Variants in NCK1 observed in about 807,000 individuals in gnomAD.
The protein encoded by NCK1 is NCK adaptor protein 1.
Under a neutral mutation model 36.6 loss-of-function variants are expected in NCK1, and 19 were observed. That is an observed-to-expected ratio of 0.52 (90% confidence interval 0.36 to 0.76). The LOEUF (loss-of-function observed/expected upper bound fraction) is 0.76, where lower values mean the gene tolerates loss of function less well. Among genes scored for constraint, NCK1 ranks in the 30% least tolerant of loss-of-function variants. The pLI is 0.00. For synonymous variants in NCK1, 165 were observed against 156.0 expected (o/e 1.06, Z -0.43); for missense variants, 358 against 445.6 (o/e 0.80, Z 1.77).
chr3:136,908,837 A>G (rs757407166), intron 1 of NCK1, among the ~76,000 whole-genome samples: 12 of 151,796 alleles, frequency 7.9e-5, no homozygotes, highest in Non-Finnish European at 1.6e-4. Flanking sequence ...ATTCAGTGGG[A>G]TATATACAGT....
chr3:136,930,637 G>T, intron 2 of NCK1: 1 of 1,376,876 alleles, frequency 7.3e-7, no homozygotes, highest in Admixed American at 2.8e-5. Context: ...TCTTGAAGTT[G>T]TGAATTAGAT....
At position 136,951,170 on chromosome 3, in the gene NCK1, A is replaced by ATT. The variant is rs1940961898; in HGVS notation, c.*2718_*2719dup. 6.6e-6 allele frequency among the ~76,000 whole-genome samples: 1 copy of ATT among 152,206 alleles called. No homozygotes were observed. The highest frequency in any genetic ancestry group is 1.9e-4 in the East Asian group (1 of 5,194). Reference sequence around the variant, plus strand: ...CATTCTTGCAGAATATGGCACTTAAATTATCTCCAGCTGTAATGTCCTACC... The same window carrying ATT: ...CATTCTTGCAGAATATGGCACTTAAATTTTATCTCCAGCTGTAATGTCCTACC... On this transcript the variant is annotated 3_prime_UTR_variant, in exon 4 of 4. Coordinates refer to ENST00000481752, the MANE Select transcript of NCK1 (RefSeq NM_001291999.2).
intron 1 of NCK1, among the ~76,000 whole-genome samples, chr3:136,908,958 A>C (rs1051375965): frequency 6.6e-6 from 1 of 151,972 alleles, no homozygotes; most frequent in African/African-American, 2.4e-5. Flanking sequence ...GGGACACTAC[A>C]CTCATGAATG....
At chr3:136,941,124 T>C (rs1442568852) in intron 2 of NCK1, among the ~76,000 whole-genome samples, 7 of 147,412 alleles carry the variant, frequency 4.7e-5, no homozygotes, top group Admixed American at 3.4e-4. Context: ...TTCTTTTTTT[T>C]TTTTTTTTTT....
At position 136,945,684 on chromosome 3, in the gene NCK1, C is replaced by A. The variant is rs757532603; in HGVS notation, c.328C>A (p.Pro110Thr). ...PGERLYDLNM[P>T]AYVKFNYMAE... is the part of the protein sequence containing the mutation. ...GGAACGTCTCTATGACCTCAACATG[C>A]CCGCTTATGTGAAATTTAACTACAT... Residue 110 changes from proline to threonine, a missense_variant, in exon 3 of 4, where the codon CCC becomes ACC. Pro to Thr is a conservative substitution (Grantham distance 38). Transcript: ENST00000481752. The A allele has an allele frequency of 4.3e-6, 7 of 1,613,944 alleles. No homozygotes were observed. In the African/African-American group the frequency reaches 9.3e-5, roughly 22 times the overall value.
At chr3:136,874,492 T>C (rs1007594126) in intron 1 of NCK1, among the ~76,000 whole-genome samples, 5 of 152,230 alleles carry the variant, frequency 3.3e-5, no homozygotes, top group African/African-American at 9.6e-5. Flanking sequence ...TTTACAGGTC[T>C]TTAATGAACT....
At chr3:136,886,847 T>TTTTTTTTTTTTTTTTTTGG (rs1939087135) in intron 1 of NCK1, among the ~76,000 whole-genome samples, 1 of 151,854 alleles carries the variant, frequency 6.6e-6, no homozygotes. Context: ...CTATCTTTCT[T>TTTTTTTTTTTTTTTTTTGG]TTTCTTTTTT....
chr3:136,938,874 T>G (rs1030471203), intron 2 of NCK1, among the ~76,000 whole-genome samples: 19 of 152,240 alleles, frequency 1.2e-4, no homozygotes, highest in Non-Finnish European at 2.2e-4. Flanking sequence ...AGAACATAAC[T>G]ACTGCAAACA....
intron 1 of NCK1, among the ~76,000 whole-genome samples, chr3:136,910,305 C>A (rs986061804): frequency 1.3e-5 from 2 of 152,148 alleles, no homozygotes; most frequent in Non-Finnish European, 2.9e-5. Context: ...AGCTTAACTT[C>A]AGTAACATAG....
rs1939233802 is a variant in NCK1, at chr3:136,891,148, A to C, written c.-19+28795A>C. ...TTTACTCATTCAACTGATGACAGAC[A>C]CTGAGGTGGAGTTTTGCTCTTGTTG... is the stretch of plus-strand genomic sequence containing the variant. On this transcript the variant is annotated intron_variant, in intron 1 of 3. Transcript: ENST00000481752. 2.0e-5 allele frequency among the ~76,000 whole-genome samples: 3 copies of C among 152,202 alleles called. No individual in the cohort carries two copies. The South Asian group carries it at 6.2e-4, about 31-fold the overall frequency.
chr3:136,895,921 TTTAA>T (rs1353095749), intron 1 of NCK1, among the ~76,000 whole-genome samples: 2 of 152,216 alleles, frequency 1.3e-5, no homozygotes, highest in African/African-American at 4.8e-5. Context: ...TCACATCTAT[TTTAA>T]TTATGATATA....
At chr3:136,908,931 G>A (rs1427916604) in intron 1 of NCK1, among the ~76,000 whole-genome samples, 2 of 152,104 alleles carry the variant, frequency 1.3e-5, no homozygotes, top group Non-Finnish European at 2.9e-5. Flanking sequence ...GGCATAATGG[G>A]AGGTGTTTGG....
intron 1 of NCK1, among the ~76,000 whole-genome samples, chr3:136,892,949 T>C (rs1339709382): frequency 2.6e-5 from 4 of 151,758 alleles, no homozygotes; most frequent in Non-Finnish European, 5.9e-5. Context: ...GTGTAGTCTT[T>C]TATCCCTCAC....
chr3:136,870,027 A>ATT (rs1938561097), intron 1 of NCK1, among the ~76,000 whole-genome samples: 8 of 76,896 alleles, frequency 1.0e-4, no homozygotes, highest in Non-Finnish European at 1.6e-4. Flanking sequence ...GTTTCTCAAA[A>ATT]GTTTTTTTTT....
chr3:136,907,468 T>G (rs1207969383), intron 1 of NCK1, among the ~76,000 whole-genome samples: 1 of 152,220 alleles, frequency 6.6e-6, no homozygotes, highest in Non-Finnish European at 1.5e-5. Flanking sequence ...CTCTTTATGT[T>G]AGACTCAGGG....
intron 1 of NCK1, among the ~76,000 whole-genome samples, chr3:136,865,397 T>C (rs1447175535): frequency 1.3e-5 from 2 of 152,242 alleles, no homozygotes; most frequent in African/African-American, 4.8e-5. Context: ...TATTCATTTT[T>C]CAAAAATTTT....
chr3:136,934,343 T>C (rs1311304813), intron 2 of NCK1, among the ~76,000 whole-genome samples: 1 of 152,066 alleles, frequency 6.6e-6, no homozygotes, highest in African/African-American at 2.4e-5. Flanking sequence ...TGGAGTGCAG[T>C]GGTGTGATCT....
rs1054799805 is a variant in NCK1 at position 136,950,390 on chromosome 3, CAG to C, written c.*1939_*1940del. 5.3e-5 allele frequency among the ~76,000 whole-genome samples: 8 copies of C among 152,216 alleles called. No individual in the cohort carries two copies. Among genetic ancestry groups the C allele is most frequent in the South Asian group, 2.1e-4 (1 of 4,824 alleles). The stretch of plus-strand genomic sequence containing the variant: ...AGTAGGAGTGTAGTAGCACTGGAAA[CAG>C]AATGCAAATTTCTGTTCCATAATTA... On this transcript the variant is annotated 3_prime_UTR_variant, in exon 4 of 4. Coordinates refer to ENST00000481752, the MANE Select transcript of NCK1 (RefSeq NM_001291999.2).
chr3:136,939,047 A>G (rs981697902), intron 2 of NCK1, among the ~76,000 whole-genome samples: 1 of 152,234 alleles, frequency 6.6e-6, no homozygotes, highest in Non-Finnish European at 1.5e-5. Flanking sequence ...TTTTAGAAGC[A>G]TTGATGTTAA....
Sources: gnomAD v4.1 joint callset for allele counts (sites outside exome capture counted in the v4.1 genomes callset) on GRCh38, gnomAD v4.1.1 for gene constraint, MANE v1.5 for transcripts, NCBI Gene and HGNC (gene_info 2026-07-23, HGNC 2026-07-21) for gene names.